The following PCDHA10 variants were observed in gnomAD, a reference collection of about 807,000 sequenced individuals.
PCDHA10 encodes protocadherin alpha-10.
PCDHA10 carries 45 observed loss-of-function variants against 61.2 expected under a neutral mutation model. The ratio of observed to expected loss-of-function variants is 0.74; its 90% CI spans 0.58 to 0.94. PCDHA10 has a LOEUF of 0.94. PCDHA10 is among the 40% of genes least tolerant of loss of function. The probability of loss-of-function intolerance (pLI) is 0.00; values close to 1 mark genes in which losing one functional copy is unlikely to be tolerated. For missense variants in PCDHA10, 1,278 were observed against 1,236.2 expected (o/e 1.03, Z -0.51); for synonymous variants, 602 against 548.8 (o/e 1.10, Z -1.35).
chr5:140,921,631 T>A (rs1435281144), intron 1 of PCDHA10, among the ~76,000 whole-genome samples: 1 of 152,206 alleles, frequency 6.6e-6, no homozygotes, highest in East Asian at 1.9e-4. Flanking sequence ...ATCATCATTA[T>A]GGTAGCTATT....
chr5:140,985,759 T>TTTTA (rs2097169056), intron 3 of PCDHA10, among the ~76,000 whole-genome samples: 2 of 149,086 alleles, frequency 1.3e-5, no homozygotes, highest in East Asian at 2.0e-4. Context: ...TTTTTTTTTT[T>TTTTA]GAGACAGTCT....
chr5:140,874,403 T>A (rs1013177734), intron 1 of PCDHA10, among the ~76,000 whole-genome samples: 2 of 152,198 alleles, frequency 1.3e-5, no homozygotes, highest in African/African-American at 4.8e-5. Context: ...TGCATAACAG[T>A]CACCATTCTG....
intron 1 of PCDHA10, among the ~76,000 whole-genome samples, chr5:140,900,829 A>G (rs2068324648): frequency 6.6e-6 from 1 of 152,110 alleles, no homozygotes; most frequent in Non-Finnish European, 1.5e-5. Context: ...TCCCACCAAC[A>G]ATGTACAAAG....
intron 1 of PCDHA10, among the ~76,000 whole-genome samples, chr5:140,873,904 G>A (rs936002886): frequency 6.6e-6 from 1 of 152,074 alleles, no homozygotes; most frequent in African/African-American, 2.4e-5. Flanking sequence ...CAGGTGATCT[G>A]CCTGCCTCAG....
At chr5:140,930,416 T>C (rs1554207810) in intron 1 of PCDHA10, 1 of 151,928 alleles carries the variant, frequency 6.6e-6, no homozygotes, top group East Asian at 1.9e-4. Flanking sequence ...GAGACAGGGG[T>C]CTCACTATGT....
intron 1 of PCDHA10, among the ~76,000 whole-genome samples, chr5:140,921,611 A>C (rs781805165): frequency 6.6e-6 from 1 of 152,224 alleles, no homozygotes; most frequent in Non-Finnish European, 1.5e-5. Context: ...AATAAGAAAA[A>C]TATCATCAGA....
chr5:140,950,070 A>G (rs2094446713), intron 1 of PCDHA10, among the ~76,000 whole-genome samples: 1 of 151,890 alleles, frequency 6.6e-6, no homozygotes, highest in Non-Finnish European at 1.5e-5. Flanking sequence ...TTCCTGTGCC[A>G]TTGCTTATGC....
intron 1 of PCDHA10, chr5:140,884,195 C>T: frequency 6.2e-7 from 1 of 1,613,394 alleles, no homozygotes; most frequent in Non-Finnish European, 8.5e-7. Flanking sequence ...GGTGGACGCG[C>T]CGCACCACCG....
chr5:140,999,507 T>A (rs2097860188), intron 3 of PCDHA10, among the ~76,000 whole-genome samples: 1 of 152,078 alleles, frequency 6.6e-6, no homozygotes, highest in South Asian at 2.1e-4. Flanking sequence ...GAACCTACAT[T>A]TTAAGCATTT....
At chr5:140,993,793 T>C (rs2097582526) in intron 3 of PCDHA10, among the ~76,000 whole-genome samples, 1 of 152,184 alleles carries the variant, frequency 6.6e-6, no homozygotes, top group African/African-American at 2.4e-5. Context: ...TAACATGCTG[T>C]GCAGGTTTGT....
chr5:140,903,721 C>T (rs2070530222), intron 1 of PCDHA10, among the ~76,000 whole-genome samples: 1 of 152,152 alleles, frequency 6.6e-6, no homozygotes, highest in African/African-American at 2.4e-5. Flanking sequence ...ACAATTCTCC[C>T]TATTATCAAT....
At chr5:140,883,113 G>A in intron 1 of PCDHA10, 2 of 1,614,086 alleles carry the variant, frequency 1.2e-6, no homozygotes, top group Non-Finnish European at 1.7e-6. Context: ...TACTCATTTA[G>A]AAGGCCTGTA....
chr5:140,976,486 G>C (rs782708902), intron 1 of PCDHA10, among the ~76,000 whole-genome samples: 1 of 152,078 alleles, frequency 6.6e-6, no homozygotes, highest in Non-Finnish European at 1.5e-5. Flanking sequence ...GGGAGGCAGA[G>C]GTTGCAGGGA....
At chr5:140,895,802 C>CTGTAT (rs1289601886) in intron 1 of PCDHA10, among the ~76,000 whole-genome samples, 86 of 152,166 alleles carry the variant, frequency 5.7e-4, no homozygotes, top group African/African-American at 1.6e-3. Context: ...ATGTACAATA[C>CTGTAT]TGTATTGTAT....
At chr5:140,941,211 C>CTT (rs59928198) in intron 1 of PCDHA10, among the ~76,000 whole-genome samples, 19 of 129,722 alleles carry the variant, frequency 1.5e-4, no homozygotes, top group African/African-American at 5.2e-4. Flanking sequence ...TCCTTTCTTT[C>CTT]TTCCTTTCTT....
chr5:140,949,120 T>C (rs782586418), intron 1 of PCDHA10, among the ~76,000 whole-genome samples: 3 of 151,756 alleles, frequency 2.0e-5, no homozygotes, highest in Non-Finnish European at 4.4e-5. Flanking sequence ...ATATTTTTGG[T>C]TTTCCTAGCT....
chr5:140,925,124 A>AGG (rs1554202565), intron 1 of PCDHA10, among the ~76,000 whole-genome samples: 1 of 151,856 alleles, frequency 6.6e-6, no homozygotes, highest in African/African-American at 2.4e-5. Flanking sequence ...GAAGGAAGGA[A>AGG]AAAAAATTTC....
intron 1 of PCDHA10, chr5:140,871,246 C>A: frequency 6.2e-7 from 1 of 1,613,982 alleles, no homozygotes; most frequent in Non-Finnish European, 8.5e-7. Flanking sequence ...ACTCACGCTG[C>A]TGCTGTATAC....
rs1210767626 is a variant in PCDHA10 at position 141,010,197 on chromosome 5, C to T, written c.*260C>T. 1 of 1,552,200 alleles carries T rather than the reference C, an allele frequency of 6.4e-7. No homozygotes were observed. The highest frequency in any genetic ancestry group is 1.2e-5 in the South Asian group (1 of 84,134). On this transcript the variant is annotated 3_prime_UTR_variant, in exon 4 of 4. Coordinates refer to ENST00000307360, the MANE Select transcript of PCDHA10 (RefSeq NM_018901.4). ...AAAAGCAGACCCAAGTTTCCTTTCT[C>T]CTCCGCCGCAAAGGAGAGGCTTCCC...
Sources: gnomAD v4.1 joint callset for allele counts (sites outside exome capture counted in the v4.1 genomes callset) on GRCh38, gnomAD v4.1.1 for gene constraint, MANE v1.5 for transcripts, NCBI Gene and HGNC (gene_info 2026-07-23, HGNC 2026-07-21) for gene names.